Variants in KCTD9 observed in about 807,000 individuals in gnomAD.
KCTD9 encodes BTB/POZ domain-containing protein KCTD9.
Under a neutral mutation model 53.3 loss-of-function variants are expected in KCTD9, and 17 were observed. The ratio of observed to expected loss-of-function variants is 0.32; its 90% confidence interval spans 0.22 to 0.48. The LOEUF (loss-of-function observed/expected upper bound fraction) is 0.48. Ranked by LOEUF, KCTD9 falls within the 20% of genes least tolerant of loss-of-function variation. The pLI, the probability that KCTD9 is intolerant of heterozygous loss-of-function variation, is 0.99. For synonymous variants in KCTD9, 128 were observed against 162.7 expected (o/e 0.79, Z 1.62); for missense variants, 179 against 465.5 (o/e 0.38, Z 5.66).
rs1275822447 is a variant in KCTD9 at position 25,429,112 on chromosome 8, C to T, written c.*745G>A. 1.3e-5 allele frequency: 2 copies of T among 152,130 alleles called. No individual in the cohort carries two copies. The highest frequency in any genetic ancestry group is 2.9e-5 in the Non-Finnish European group (2 of 68,026). The allele number at this position is 152,130 out of a possible 1,614,324, so 9.4% of individuals were successfully genotyped here. A position where few individuals can be genotyped will look rare whatever the true frequency, so the allele number is the denominator to read the frequency against. ...CTAGAATGAAATTCTGAGAAATTCT[C>T]ATTTGTAAGTGTTGTAGTGATAGGT... is the stretch of plus-strand genomic sequence containing the variant. On this transcript the variant is annotated 3_prime_UTR_variant, in exon 12 of 12. Coordinates refer to ENST00000221200, the MANE Select transcript of KCTD9 (RefSeq NM_017634.4).
rs576626201 is a variant in KCTD9, at chr8:25,433,499, A to G, written c.814-64T>C. 12 of 772,766 alleles carry G rather than the reference A, an allele frequency of 1.6e-5. No homozygotes were observed. In the Admixed American group the frequency reaches 3.9e-4, roughly 25 times the overall value. The allele number at this position is 772,766 out of a possible 1,614,324, so 47.9% of individuals were successfully genotyped here. A position where few individuals can be genotyped will look rare whatever the true frequency, so the allele number is the denominator to read the frequency against. On this transcript the variant is annotated intron_variant, in intron 9 of 11. Transcript: ENST00000221200. ...TAATTTTGTTCAAATTAGCTCAAAC[A>G]GTAAAAGAAAAAAAATAGAAAAGAG...
At chr8:25,448,798 C>A (rs907789794) in intron 1 of KCTD9, among the ~76,000 whole-genome samples, 26 of 151,858 alleles carry the variant, frequency 1.7e-4, no homozygotes, top group African/African-American at 5.1e-4. Context: ...GCCTGTAGTC[C>A]CAGCTACTTG....
intron 1 of KCTD9, among the ~76,000 whole-genome samples, chr8:25,449,748 T>A: frequency 6.6e-6 from 1 of 152,194 alleles, no homozygotes; most frequent in East Asian, 1.9e-4. Flanking sequence ...ACTGGCTAAT[T>A]GTTACCATAT....
intron 2 of KCTD9, 132 bp downstream of exon 2, chr8:25,445,997 G>C: frequency 8.7e-7 from 1 of 1,155,588 alleles, no homozygotes; most frequent in Non-Finnish European, 1.2e-6. Context: ...AAATTCCAAA[G>C]AGCAAATTCT....
chr8:25,432,582 C>A lies in KCTD9; in HGVS notation c.975G>T (p.Leu325=), dbSNP rs751540221. 18 of 1,613,610 alleles carry A rather than the reference C, an allele frequency of 1.1e-5. No individual in the cohort carries two copies. Among genetic ancestry groups the A allele is most frequent in the Non-Finnish European group, 1.5e-5 (18 of 1,179,640 alleles). ...TTGCATTTTTTAAGGTAGCCACTCT[C>A]AGGTTAATTCCTGTCATCTGACTTC... ...MEGSQMTGIN[L]RVATLKNAKL... is the part of the protein sequence containing the mutation. The change falls in exon 11 of 12, where the codon CTG becomes CTT. Residue 325 remains leucine, a synonymous_variant. Coordinates refer to ENST00000221200, the MANE Select transcript of KCTD9 (RefSeq NM_017634.4).
chr8:25,452,795 C>A (rs1802352685), intron 1 of KCTD9, among the ~76,000 whole-genome samples: 8 of 152,164 alleles, frequency 5.3e-5, no homozygotes. Context: ...ATAACATGTA[C>A]TTTAATAAAG....
rs1300544309 is a variant in KCTD9, at chr8:25,429,200, CT to C, written c.*656del. The C allele has an allele frequency of 6.6e-6, 1 of 152,340 alleles. No homozygotes were observed. Among genetic ancestry groups the C allele is most frequent in the African/African-American group, 2.4e-5 (1 of 41,434 alleles). The allele number at this position is 152,340 out of a possible 1,614,324, so 9.4% of individuals were successfully genotyped here. A position where few individuals can be genotyped will look rare whatever the true frequency, so the allele number is the denominator to read the frequency against. The stretch of plus-strand genomic sequence containing the variant: ...GAATGACAGTGATGTACAATGATGT[CT>C]TTCTTTCCACTCTGTCTCAATCAGT... On this transcript the variant is annotated 3_prime_UTR_variant, in exon 12 of 12. Transcript: ENST00000221200.
Position 25,439,416 on chromosome 8 carries a change from C to A in KCTD9, c.371-9G>T. On this transcript the variant is annotated splice_polypyrimidine_tract_variant and intron_variant, in intron 5 of 11. Coordinates refer to ENST00000221200, the MANE Select transcript of KCTD9 (RefSeq NM_017634.4). ...CTTATTTCCCCAGACACCTGTGTCA[C>A]CATTATAATAAAGAAAGTCCCCCAT... 1 of 1,590,162 alleles carries A rather than the reference C, an allele frequency of 6.3e-7. No individual in the cohort carries two copies. The highest frequency in any genetic ancestry group is 1.9e-5 in the Admixed American group (1 of 53,844).
At chr8:25,432,400 C>A in intron 11 of KCTD9, 104 bp downstream of exon 11, 1 of 955,670 alleles carries the variant, frequency 1.0e-6, no homozygotes, top group Non-Finnish European at 1.6e-6. Context: ...GTCTTCCAAT[C>A]CAGTTTTACC....
At chr8:25,438,344 A>G (rs903710252) in intron 6 of KCTD9, among the ~76,000 whole-genome samples, 40 of 151,494 alleles carry the variant, frequency 2.6e-4, no homozygotes, top group African/African-American at 9.0e-4. Context: ...GTTCAAGGGA[A>G]TATAAAGTTT....
chr8:25,437,577 C>G (rs1234057816), intron 6 of KCTD9, among the ~76,000 whole-genome samples: 1 of 152,038 alleles, frequency 6.6e-6, no homozygotes, highest in Non-Finnish European at 1.5e-5. Flanking sequence ...ACTCGGGAAG[C>G]TGAGGCAGGA....
At chr8:25,431,959 T>C (rs1178072739) in intron 11 of KCTD9, among the ~76,000 whole-genome samples, 2 of 152,226 alleles carry the variant, frequency 1.3e-5, no homozygotes, top group Admixed American at 1.3e-4. Context: ...TAGCTATATA[T>C]GGGTGGTAGC....
intron 6 of KCTD9, among the ~76,000 whole-genome samples, chr8:25,437,413 A>G (rs1171250752): frequency 1.3e-5 from 2 of 152,094 alleles, no homozygotes; most frequent in African/African-American, 4.8e-5. Context: ...CCGGGCTCAC[A>G]CCTGTAATCC....
At chr8:25,455,565 C>G (rs116595114) in intron 1 of KCTD9, among the ~76,000 whole-genome samples, 2 of 152,208 alleles carry the variant, frequency 1.3e-5, no homozygotes, top group South Asian at 4.1e-4. Context: ...CAGCTTCTGC[C>G]ATTTCCTCAT....
intron 11 of KCTD9, among the ~76,000 whole-genome samples, chr8:25,431,180 C>T (rs1801923063): frequency 6.6e-6 from 1 of 151,978 alleles, no homozygotes; most frequent in African/African-American, 2.4e-5. Context: ...CCAAGAACAA[C>T]AACAACAAAA....
chr8:25,433,951 A>G (rs898575863), intron 9 of KCTD9, among the ~76,000 whole-genome samples: 2 of 152,222 alleles, frequency 1.3e-5, no homozygotes, highest in African/African-American at 4.8e-5. Flanking sequence ...TAAAGGCATT[A>G]TTTAGCTAGA....
rs1408736858 is a variant in KCTD9, at chr8:25,435,441, T to C, written c.735A>G (p.Leu245=). The change falls in exon 9 of 12, where the codon TTA becomes TTG. Residue 245 remains leucine (L), a synonymous_variant. Coordinates refer to ENST00000221200, the MANE Select transcript of KCTD9 (RefSeq NM_017634.4). ...TTGCATGTGCAAGATTACAGCGGCTTAAATTGGCCATTTTGAAGTTAATGT... is the reference window on the plus strand; with the variant it reads ...TTGCATGTGCAAGATTACAGCGGCTCAAATTGGCCATTTTGAAGTTAATGT... ...LRYINFKMAN[L]SRCNLAHANL... 1.9e-6 allele frequency: 3 copies of C among 1,612,872 alleles called. No homozygotes were observed. The highest frequency in any genetic ancestry group is 2.5e-6 in the Non-Finnish European group (3 of 1,179,362).
chr8:25,451,091 G>A (rs1802310990), intron 1 of KCTD9, among the ~76,000 whole-genome samples: 1 of 152,084 alleles, frequency 6.6e-6, no homozygotes, highest in African/African-American at 2.4e-5. Context: ...CACTTGGAGG[G>A]CTATTCTTGA....
chr8:25,446,482 A>T (rs553854016), intron 1 of KCTD9, among the ~76,000 whole-genome samples: 1 of 152,288 alleles, frequency 6.6e-6, no homozygotes, highest in South Asian at 2.1e-4. Flanking sequence ...AACAATCTAC[A>T]ATCCTAAGGT....
Sources: allele counts gnomAD v4.1 joint callset (sites outside exome capture counted in the v4.1 genomes callset), GRCh38; gene constraint gnomAD v4.1.1; transcripts MANE v1.5; gene names NCBI Gene and HGNC (gene_info 2026-07-23, HGNC 2026-07-21).